Variants in MIR2052HG observed in about 807,000 individuals in gnomAD.
MIR2052HG encodes the protein MIR2052 host gene.
At chr8:74,610,848 C>A (rs1808184325) in intron 1 of MIR2052HG, among the ~76,000 whole-genome samples, 1 of 151,830 alleles carries the variant, frequency 6.6e-6, no homozygotes, top group Non-Finnish European at 1.5e-5. Context: ...AAAATGAATT[C>A]AAAAGAAATT....
At position 74,614,493 on chromosome 8, in the gene MIR2052HG, A is replaced by G. The variant is rs1050536015; in HGVS notation, n.216+1553A>G. ...ATTGTCTCATTCTTTAAAAAATCAT[A>G]TATTTGGGTTCTAGTTTTTCTTGAA... On this transcript the variant is annotated intron_variant and non_coding_transcript_variant, in intron 2 of 6. Coordinates refer to ENST00000523442, the Ensembl canonical transcript of MIR2052HG. Among the ~76,000 whole-genome samples the G allele has an allele frequency of 1.4e-4, 22 of 152,228 alleles. No individual in the cohort carries two copies. In the South Asian group the frequency reaches 4.4e-3, roughly 30 times the overall value.
At chr8:74,751,553 C>T (rs1051955848) in intron 4 of MIR2052HG, among the ~76,000 whole-genome samples, 1 of 149,108 alleles carries the variant, frequency 6.7e-6, no homozygotes, top group Non-Finnish European at 1.5e-5. Flanking sequence ...AGGGATCTAA[C>T]TCTGTCTTTC....
intron 2 of MIR2052HG, among the ~76,000 whole-genome samples, chr8:74,616,198 A>G (rs1185187087): frequency 1.3e-5 from 2 of 152,012 alleles, no homozygotes; most frequent in East Asian, 1.9e-4. Context: ...ACTGTCTTCC[A>G]TAATGGTTGA....
chr8:74,747,201 C>T lies in MIR2052HG; in HGVS notation n.372-5240C>T, dbSNP rs192942722. ...GGTTCCATCACTAATGAGTATGTGA[C>T]ATTTGGGAAGTTACTTGAACTATGT... On this transcript the variant is annotated intron_variant and non_coding_transcript_variant, in intron 4 of 6. Coordinates refer to ENST00000523442, the Ensembl canonical transcript of MIR2052HG. Among the ~76,000 whole-genome samples, 89 of 152,208 alleles carry T rather than the reference C, an allele frequency of 5.8e-4. 2 individuals are homozygous for T. Among genetic ancestry groups the T allele is most frequent in the Non-Finnish European group, 7.2e-4 (49 of 68,000 alleles).
chr8:74,622,825 G>A (rs554483483), intron 2 of MIR2052HG, among the ~76,000 whole-genome samples: 28 of 152,084 alleles, frequency 1.8e-4, no homozygotes, highest in Admixed American at 2.6e-4. Context: ...GAAAACCACC[G>A]AGAGGTTCCT....
At chr8:74,624,987 C>T (rs1414899490) in intron 2 of MIR2052HG, among the ~76,000 whole-genome samples, 4 of 152,106 alleles carry the variant, frequency 2.6e-5, no homozygotes, top group African/African-American at 4.8e-5. Context: ...ATTCACAAAC[C>T]ATATGGATCC....
chr8:74,656,909 T>A (rs1282206784), intron 2 of MIR2052HG, among the ~76,000 whole-genome samples: 1 of 152,190 alleles, frequency 6.6e-6, no homozygotes, highest in Non-Finnish European at 1.5e-5. Flanking sequence ...AAACACCTGA[T>A]AATCCTAGAG....
chr8:74,666,752 G>A (rs1808928287), intron 2 of MIR2052HG, among the ~76,000 whole-genome samples: 2 of 152,200 alleles, frequency 1.3e-5, no homozygotes, highest in East Asian at 3.9e-4. Context: ...CCCACCAACA[G>A]TGTAAGAAAG....
Position 74,623,582 on chromosome 8 carries a change from G to A in MIR2052HG, n.216+10642G>A, listed in dbSNP as rs796739698. ...ATGTCATTATTAAAAAGGTCTTTTA[G>A]GACTTTTTAAATGGCACATCTTTCA... On this transcript the variant is annotated intron_variant and non_coding_transcript_variant, in intron 2 of 6. Transcript: ENST00000523442. 2.6e-4 allele frequency among the ~76,000 whole-genome samples: 39 copies of A among 152,230 alleles called. 1 individual carries two copies. Among genetic ancestry groups the A allele is most frequent in the African/African-American group, 8.9e-4 (37 of 41,538 alleles).
intron 2 of MIR2052HG, among the ~76,000 whole-genome samples, chr8:74,644,216 C>T (rs936795280): frequency 6.6e-6 from 1 of 152,186 alleles, no homozygotes; most frequent in Admixed American, 6.5e-5. Flanking sequence ...TCATGAGCCA[C>T]ATAATGACGT....
chr8:74,617,590 T>A (rs115015403), intron 2 of MIR2052HG, among the ~76,000 whole-genome samples: 3,735 of 152,238 alleles, frequency 0.025, 130 homozygotes, highest in African/African-American at 0.079. Context: ...TCTCACATTT[T>A]AAAAATCCAG....
chr8:74,654,610 A>G (rs1808785474), intron 2 of MIR2052HG, among the ~76,000 whole-genome samples: 2 of 152,236 alleles, frequency 1.3e-5, no homozygotes, highest in African/African-American at 4.8e-5. Flanking sequence ...GCTGTTATGT[A>G]AGGAGTACAT....
chr8:74,680,417 C>G (rs1037685898), intron 2 of MIR2052HG, among the ~76,000 whole-genome samples: 1 of 152,108 alleles, frequency 6.6e-6, no homozygotes, highest in Non-Finnish European at 1.5e-5. Context: ...TGAACAGACA[C>G]TTCTCAAAAG....
chr8:74,716,794 C>T (rs1357766765), intron 4 of MIR2052HG, among the ~76,000 whole-genome samples: 3 of 152,118 alleles, frequency 2.0e-5, no homozygotes, highest in Admixed American at 6.5e-5. Flanking sequence ...TGCCTCTGTA[C>T]GTGGATATGT....
chr8:74,640,562 G>A (rs1470470743), intron 2 of MIR2052HG, among the ~76,000 whole-genome samples: 1 of 151,978 alleles, frequency 6.6e-6, no homozygotes, highest in Non-Finnish European at 1.5e-5. Context: ...GAGGCAGGTA[G>A]GTCATCAGCT....
At chr8:74,690,517 G>A (rs888353973) in intron 2 of MIR2052HG, among the ~76,000 whole-genome samples, 2 of 151,870 alleles carry the variant, frequency 1.3e-5, no homozygotes, top group African/African-American at 2.4e-5. Context: ...TGGTGGTGGC[G>A]GGCGCCTGTA....
In MIR2052HG at chr8:74,671,273, C is replaced by T. The variant is rs574397236; in HGVS notation, n.217-31106C>T. ...AGGATAGCTAGAAGAAACTCCTATG[C>T]ATTTTGTGTATTATGATTTAGGTAG... On this transcript the variant is annotated intron_variant and non_coding_transcript_variant, in intron 2 of 6. Transcript: ENST00000523442. Among the ~76,000 whole-genome samples, 44 of 152,146 alleles carry T rather than the reference C, an allele frequency of 2.9e-4. No homozygotes were observed. The South Asian group carries it at 3.9e-3, about 14-fold the overall frequency.
At chr8:74,632,243 G>A (rs1287019824) in intron 2 of MIR2052HG, among the ~76,000 whole-genome samples, 2 of 152,068 alleles carry the variant, frequency 1.3e-5, no homozygotes, top group African/African-American at 4.8e-5. Context: ...GGCTTCTCCT[G>A]GACCACAGCA....
chr8:74,667,273 C>T (rs534724161), intron 2 of MIR2052HG, among the ~76,000 whole-genome samples: 1 of 152,114 alleles, frequency 6.6e-6, no homozygotes, highest in South Asian at 2.1e-4. Context: ...AGTGAGGGAG[C>T]AGGGCTGTGG....
Sources: allele counts gnomAD v4.1 joint callset (sites outside exome capture counted in the v4.1 genomes callset), GRCh38; gene constraint gnomAD v4.1.1; transcripts MANE v1.5; gene names NCBI Gene and HGNC (gene_info 2026-07-23, HGNC 2026-07-21).